COP1: variants seen among roughly 807,000 people sequenced by gnomAD.
COP1 encodes the protein COP1 E3 ubiquitin ligase.
COP1 carries 24 observed loss-of-function variants against 101.3 expected under a neutral mutation model. That is an observed-to-expected ratio of 0.24 (90% CI 0.17 to 0.33). COP1 has a LOEUF of 0.33. Among genes scored for constraint, COP1 ranks in the 10% least tolerant of loss-of-function variants. The pLI, the probability that COP1 is intolerant of heterozygous loss-of-function variation, is 1.00. For missense variants in COP1, 663 were observed against 906.2 expected (o/e 0.73, Z 3.45); for synonymous variants, 347 against 341.9 (o/e 1.01, Z -0.17).
chr1:176,054,133 C>A (rs1460287769), intron 11 of COP1, among the ~76,000 whole-genome samples: 1 of 151,006 alleles, frequency 6.6e-6, no homozygotes, highest in Non-Finnish European at 1.5e-5. Flanking sequence ...ATTTCCCATA[C>A]CTTCATAATC....
At chr1:176,049,580 C>G (rs529010614) in intron 11 of COP1, among the ~76,000 whole-genome samples, 18 of 151,996 alleles carry the variant, frequency 1.2e-4, no homozygotes, top group Admixed American at 9.2e-4. Flanking sequence ...GGTCCCCCCC[C>G]TCAAACCACC....
chr1:176,190,032 G>T (rs1298881078), intron 1 of COP1, among the ~76,000 whole-genome samples: 1 of 151,928 alleles, frequency 6.6e-6, no homozygotes, highest in Admixed American at 6.6e-5. Flanking sequence ...GAAAAAAAAA[G>T]ATGGTTATTA....
At chr1:176,163,705 C>A (rs538905813) in intron 4 of COP1, 110 bp downstream of exon 4, 228 of 662,406 alleles carry the variant, frequency 3.4e-4, no homozygotes, top group African/African-American at 2.0e-3. Context: ...AAACAATCGC[C>A]TTTTAAGAAA....
At chr1:176,014,919 G>A (rs1665359890) in intron 15 of COP1, among the ~76,000 whole-genome samples, 1 of 152,144 alleles carries the variant, frequency 6.6e-6, no homozygotes, top group Non-Finnish European at 1.5e-5. Context: ...CTGCTTTTCT[G>A]TGTGCTTACA....
At chr1:176,198,775 A>G (rs1397497920) in intron 1 of COP1, among the ~76,000 whole-genome samples, 2 of 152,170 alleles carry the variant, frequency 1.3e-5, no homozygotes, top group African/African-American at 4.8e-5. Flanking sequence ...ATGACATGCA[A>G]TTTTAAGGGA....
intron 18 of COP1, among the ~76,000 whole-genome samples, chr1:175,981,327 G>A (rs1655815673): frequency 1.3e-5 from 2 of 152,114 alleles, no homozygotes; most frequent in African/African-American, 4.8e-5. Context: ...TCATTGAGAA[G>A]TTGGCTGTCA....
At chr1:176,124,196 A>G (rs769930239) in intron 8 of COP1, among the ~76,000 whole-genome samples, 16 of 152,246 alleles carry the variant, frequency 1.1e-4, no homozygotes, top group Non-Finnish European at 2.2e-4. Context: ...GGCATGCAAT[A>G]TGTAATATCA....
At chr1:176,185,051 G>A (rs546318276) in intron 1 of COP1, among the ~76,000 whole-genome samples, 84 of 152,076 alleles carry the variant, frequency 5.5e-4, no homozygotes, top group Non-Finnish European at 1.1e-3. Context: ...GTACTCAAAA[G>A]CGTGTACCGA....
chr1:176,058,128 GGTGGGGT>G (rs1484086509), intron 11 of COP1, among the ~76,000 whole-genome samples: 125 of 48,182 alleles, frequency 2.6e-3, no homozygotes, highest in African/African-American at 5.3e-3. Flanking sequence ...TCGGGAGGGA[GGTGGGGT>G]GGGGGGGGGG....
chr1:176,113,217 T>C (rs1685590622), intron 9 of COP1, among the ~76,000 whole-genome samples: 2 of 152,214 alleles, frequency 1.3e-5, no homozygotes, highest in Admixed American at 6.5e-5. Flanking sequence ...ATTTGTTACT[T>C]CTATCTTCTT....
Position 176,159,443 on chromosome 1 carries a change from G to A in COP1, c.762+3426C>T, listed in dbSNP as rs78420545. Reference sequence around the variant, plus strand: ...GCTTATATGGCACAAATCCACAGAAGAGCAATCTGTCAATATCAAATATTT... The same window carrying A: ...GCTTATATGGCACAAATCCACAGAAAAGCAATCTGTCAATATCAAATATTT... On this transcript the variant is annotated intron_variant, in intron 5 of 19. Transcript: ENST00000367669. Among the ~76,000 whole-genome samples, 1,063 of 152,218 alleles carry A rather than the reference G, an allele frequency of 7.0e-3. 30 individuals carry two copies. The South Asian group carries it at 0.078, about 11-fold the overall frequency.
At chr1:175,947,389 GAGACGGA>G in intron 18 of COP1, 150 bp from the exon 19 acceptor site, 1 of 426,866 alleles carries the variant, frequency 2.3e-6, no homozygotes, top group African/African-American at 3.6e-5. Flanking sequence ...TTTTTTTTTT[GAGACGGA>G]GTCTTGCTCT....
chr1:176,206,404 C>G, intron 1 of COP1, 168 bp downstream of exon 1: 1 of 686,174 alleles, frequency 1.5e-6, no homozygotes, highest in South Asian at 2.0e-5. Context: ...CCCCACCAAC[C>G]AGGAGCTCGA....
intron 18 of COP1, among the ~76,000 whole-genome samples, chr1:175,958,641 C>T (rs1311862556): frequency 2.0e-5 from 3 of 150,666 alleles, no homozygotes; most frequent in Non-Finnish European, 3.0e-5. Context: ...TTAAGCATTA[C>T]GTTAAATTGA....
intron 11 of COP1, among the ~76,000 whole-genome samples, chr1:176,066,167 CTTG>C (rs1332283602): frequency 6.6e-6 from 1 of 152,192 alleles, no homozygotes; most frequent in Non-Finnish European, 1.5e-5. Context: ...TTTCCTTTCT[CTTG>C]TTACTTCTCT....
chr1:175,962,633 A>G (rs1308328502), intron 18 of COP1, among the ~76,000 whole-genome samples: 2 of 152,150 alleles, frequency 1.3e-5, no homozygotes, highest in African/African-American at 4.8e-5. Flanking sequence ...ATAAATTTGT[A>G]TGCCTTTTCT....
At chr1:176,006,995 G>A (rs1159741273) in intron 15 of COP1, among the ~76,000 whole-genome samples, 4 of 152,108 alleles carry the variant, frequency 2.6e-5, no homozygotes, top group Non-Finnish European at 5.9e-5. Context: ...CCAATCAGAT[G>A]TAGATTTGGT....
intron 9 of COP1, among the ~76,000 whole-genome samples, chr1:176,100,908 TG>T (rs1203509980): frequency 1.3e-5 from 2 of 151,984 alleles, no homozygotes; most frequent in African/African-American, 4.8e-5. Flanking sequence ...TTCCAAGCTT[TG>T]GGTCAAAGCC....
At chr1:176,190,178 C>G (rs570847358) in intron 1 of COP1, among the ~76,000 whole-genome samples, 3 of 152,150 alleles carry the variant, frequency 2.0e-5, no homozygotes, top group African/African-American at 7.2e-5. Context: ...TCGGATCTGT[C>G]TGCATTTTGA....
Sources: allele counts gnomAD v4.1 joint callset (sites outside exome capture counted in the v4.1 genomes callset), GRCh38; gene constraint gnomAD v4.1.1; transcripts MANE v1.5; gene names NCBI Gene and HGNC (gene_info 2026-07-23, HGNC 2026-07-21).